The following MYO5A variants were observed in gnomAD, a reference collection of about 807,000 sequenced individuals.
MYO5A encodes the protein unconventional myosin-Va.
A neutral mutation model predicts 249.7 loss-of-function variants in MYO5A; 98 were observed. That is an observed-to-expected ratio of 0.39 (90% CI 0.33 to 0.46). MYO5A has a LOEUF of 0.46. Ranked by LOEUF, MYO5A falls within the 20% of genes least tolerant of loss-of-function variation. MYO5A has a pLI of 0.98. For synonymous variants in MYO5A, 778 were observed against 810.6 expected (o/e 0.96, Z 0.68); for missense variants, 1,696 against 2,308.8 (o/e 0.73, Z 5.44).
intron 1 of MYO5A, among the ~76,000 whole-genome samples, chr15:52,469,036 A>G (rs893009884): frequency 3.9e-5 from 6 of 152,234 alleles, no homozygotes; most frequent in Admixed American, 3.9e-4. Context: ...CGGAGATACT[A>G]AAAAATACAA....
In MYO5A at chr15:52,312,424, T is replaced by C. The variant is rs2140902483; in HGVS notation, c.*1272A>G. ...GTCACCCAGGCTGGAGTGCAGTGGT[T>C]CGATCTCATTGCAATCTCCGCCTCC... On this transcript the variant is annotated 3_prime_UTR_variant, in exon 42 of 42. Transcript: ENST00000399233. The C allele has an allele frequency of 6.6e-6, 1 of 152,290 alleles. No homozygotes were observed. The highest frequency in any genetic ancestry group is 1.5e-5 in the Non-Finnish European group (1 of 68,002). 9.4% of individuals were successfully genotyped at this position (152,290 alleles called of 1,614,324 possible).
At chr15:52,396,817 T>C (rs1212332715) in intron 10 of MYO5A, among the ~76,000 whole-genome samples, 1 of 152,024 alleles carries the variant, frequency 6.6e-6, no homozygotes. Context: ...AACCAGAGAA[T>C]GAAAAATTAA....
At chr15:52,318,937 GC>G (rs2038165406) in intron 39 of MYO5A, 122 bp downstream of exon 39, 1 of 1,275,296 alleles carries the variant, frequency 7.8e-7, no homozygotes, top group East Asian at 2.5e-5. Flanking sequence ...CTCCCTTGCT[GC>G]TTGGCCACAT....
chr15:52,459,662 C>G (rs932467179), intron 1 of MYO5A, among the ~76,000 whole-genome samples: 5 of 152,352 alleles, frequency 3.3e-5, no homozygotes, highest in African/African-American at 4.8e-5. Flanking sequence ...CATCACGGCC[C>G]GCTCTCAATG....
At chr15:52,487,952 G>A (rs536259702) in intron 1 of MYO5A, among the ~76,000 whole-genome samples, 46 of 152,022 alleles carry the variant, frequency 3.0e-4, no homozygotes, top group Non-Finnish European at 4.6e-4. Flanking sequence ...CCTGACAATA[G>A]CAACATAAAC....
chr15:52,446,372 T>C (rs928185231), intron 1 of MYO5A, among the ~76,000 whole-genome samples: 1 of 152,244 alleles, frequency 6.6e-6, no homozygotes, highest in African/African-American at 2.4e-5. Context: ...GTTAAGCCTG[T>C]AGGTGTACAG....
chr15:52,489,516 A>G (rs1365737860), intron 1 of MYO5A, among the ~76,000 whole-genome samples: 1 of 151,304 alleles, frequency 6.6e-6, no homozygotes, highest in Non-Finnish European at 1.5e-5. Flanking sequence ...GTGAGCCAAG[A>G]TCGTGCCAGG....
chr15:52,522,701 T>C (rs1389375117), intron 1 of MYO5A, among the ~76,000 whole-genome samples: 2 of 152,104 alleles, frequency 1.3e-5, no homozygotes, highest in African/African-American at 4.8e-5. Flanking sequence ...CCTTCTGAGG[T>C]AAGAAGTAAG....
At position 52,514,196 on chromosome 15, in the gene MYO5A, C is replaced by T. The variant is rs116363651; in HGVS notation, c.27+14584G>A. On this transcript the variant is annotated intron_variant, in intron 1 of 41. Transcript: ENST00000399233. ...TCAATCACTAACTTGGTACCTACTA[C>T]ATAGCAAACACTGGTCTAGATACTG... 5.6e-3 allele frequency among the ~76,000 whole-genome samples: 855 copies of T among 152,338 alleles called. 6 individuals carry two copies. The highest frequency in any genetic ancestry group is 0.019 in the African/African-American group (800 of 41,568).
At chr15:52,521,119 T>A (rs1282956757) in intron 1 of MYO5A, among the ~76,000 whole-genome samples, 1 of 151,784 alleles carries the variant, frequency 6.6e-6, no homozygotes. Context: ...TCCCAGCTAC[T>A]CGGGAGGCTG....
intron 37 of MYO5A, 96 bp downstream of exon 37, chr15:52,323,259 T>A: frequency 8.8e-7 from 1 of 1,136,856 alleles, no homozygotes. Context: ...TTTGGGTTCC[T>A]AAATAAATGG....
intron 24 of MYO5A, among the ~76,000 whole-genome samples, chr15:52,363,640 T>G (rs1172803392): frequency 1.3e-5 from 2 of 152,220 alleles, no homozygotes. Context: ...CTGAATTATC[T>G]GGCTTTTTAT....
chr15:52,424,606 C>A (rs1399541654), intron 4 of MYO5A, among the ~76,000 whole-genome samples: 1 of 152,148 alleles, frequency 6.6e-6, no homozygotes, highest in Non-Finnish European at 1.5e-5. Flanking sequence ...TTCTAAAATT[C>A]TGTCACATGC....
At position 52,416,231 on chromosome 15, in the gene MYO5A, C is replaced by A. The variant is rs2141252698; in HGVS notation, c.526G>T (p.Ala176Ser). 6.2e-7 allele frequency: 1 copy of A among 1,613,962 alleles called. No homozygotes were observed. Among genetic ancestry groups the A allele is most frequent in the Middle Eastern group, 1.7e-4 (1 of 6,060 alleles). The stretch of plus-strand genomic sequence containing the variant: ...CTCACAGTTGCAAAGTATCGCATGG[C>A]ATACTTAGCTGAGACTGTTTTTCCT... ...GAGKTVSAKY[A>S]MRYFATVSGS... is the part of the protein sequence containing the mutation. Residue 176 changes from alanine to serine, a missense_variant, in exon 5 of 42, where the codon GCC (alanine) becomes TCC (serine). This residue lies in a region of MYO5A where 197 missense variants were observed against 320.3 expected (regional missense o/e 0.62). Transcript: ENST00000399233.
chr15:52,342,867 G>A (rs1028899952), intron 31 of MYO5A, among the ~76,000 whole-genome samples: 2 of 151,524 alleles, frequency 1.3e-5, no homozygotes, highest in Non-Finnish European at 2.9e-5. Flanking sequence ...AGTGAGCTGA[G>A]ATCGCACCAC....
chr15:52,524,697 C>T (rs1473119355), intron 1 of MYO5A, among the ~76,000 whole-genome samples: 1 of 151,854 alleles, frequency 6.6e-6, no homozygotes, highest in African/African-American at 2.4e-5. Flanking sequence ...GGGCAACATA[C>T]TGAGACTATC....
chr15:52,526,178 G>C (rs565779413), intron 1 of MYO5A, among the ~76,000 whole-genome samples: 8 of 152,194 alleles, frequency 5.3e-5, no homozygotes, highest in African/African-American at 1.9e-4. Flanking sequence ...TGACAAAGAG[G>C]TTAAAAAAAA....
In MYO5A at chr15:52,440,055, T is replaced by C. The variant is rs143404308; in HGVS notation, c.28-6770A>G. Among the ~76,000 whole-genome samples, 61 of 152,338 alleles carry C rather than the reference T, an allele frequency of 4.0e-4. 1 individual carries two copies. The highest frequency in any genetic ancestry group is 1.2e-3 in the African/African-American group (51 of 41,556). ...GACATCTGTCCTTCCACAATACAAT[T>C]TAATGAGGCCTGCCTGGCAGCAATG... On this transcript the variant is annotated intron_variant, in intron 1 of 41. Coordinates refer to ENST00000399233, the MANE Select transcript of MYO5A (RefSeq NM_001382347.1).
intron 29 of MYO5A, 25 bp downstream of exon 29, chr15:52,348,793 T>TAAA (rs11386962): frequency 3.6e-4 from 441 of 1,232,182 alleles, no homozygotes; most frequent in South Asian, 5.7e-4. Context: ...AAGTATTTAC[T>TAAA]AAAAAAAAAA....
Sources: gnomAD v4.1 joint callset for allele counts (sites outside exome capture counted in the v4.1 genomes callset) on GRCh38, gnomAD v4.1.1 for gene constraint, gnomAD v4.1.1 regional missense constraint, MANE v1.5 for transcripts, NCBI Gene and HGNC (gene_info 2026-07-23, HGNC 2026-07-21) for gene names.